TACC2: variants seen among roughly 807,000 people sequenced by gnomAD.
The protein encoded by TACC2 is transforming acidic coiled-coil-containing protein 2.
TACC2 carries 137 observed loss-of-function variants against 227.3 expected under a neutral mutation model. The ratio of observed to expected loss-of-function variants is 0.60; its 90% CI spans 0.52 to 0.69. The LOEUF (loss-of-function observed/expected upper bound fraction) is 0.69, where lower values mean the gene tolerates loss of function less well. Ranked by LOEUF, TACC2 falls within the 30% of genes least tolerant of loss-of-function variation. The pLI is 0.00. For synonymous variants in TACC2, 1,523 were observed against 1,487.5 expected (o/e 1.02, Z -0.55); for missense variants, 3,470 against 3,694.4 (o/e 0.94, Z 1.57).
At chr10:122,248,532 T>G in intron 19 of TACC2, 111 bp from the exon 20 acceptor site, 73 of 1,274,638 alleles carry the variant, frequency 5.7e-5, no homozygotes, top group Non-Finnish European at 7.2e-5. Context: ...AGCTGGGGTT[T>G]GAGATGCCCC....
At chr10:122,009,220 C>A (rs919486151) in intron 1 of TACC2, among the ~76,000 whole-genome samples, 17 of 152,162 alleles carry the variant, frequency 1.1e-4, no homozygotes, top group Non-Finnish European at 1.6e-4. Flanking sequence ...GAAAGTCTAC[C>A]TTTTGTGTAC....
At chr10:122,105,982 ATATACAT>A (rs2082745016) in intron 5 of TACC2, among the ~76,000 whole-genome samples, 1 of 130,100 alleles carries the variant, frequency 7.7e-6, no homozygotes, top group Admixed American at 9.2e-5. Flanking sequence ...ATGTATATAC[ATATACAT>A]TTTTTTTTTT....
chr10:122,087,542 C>T lies in TACC2; in HGVS notation c.5042C>T (p.Pro1681Leu). 6.2e-7 allele frequency: 1 copy of T among 1,613,876 alleles called. No homozygotes were observed. The highest frequency in any genetic ancestry group is 8.5e-7 in the Non-Finnish European group (1 of 1,180,038). ...MRNALGNQSTPAPPTGEVADT... is the reference protein window; with the variant it reads ...MRNALGNQSTLAPPTGEVADT... ...AATGCCCTGGGCAACCAGAGCACCCCTGCACCACCAACTGGAGAAGTGGCA... is the reference window on the plus strand; with the variant it reads ...AATGCCCTGGGCAACCAGAGCACCCTTGCACCACCAACTGGAGAAGTGGCA... Residue 1681 changes from proline to leucine, a missense_variant, in exon 4 of 23, where the codon CCT (proline) becomes CTT (leucine). Pro to Leu is a moderately conservative substitution (Grantham distance 98, BLOSUM62 -3). Transcript: ENST00000369005.
chr10:122,113,589 C>G (rs1425828413), intron 5 of TACC2, among the ~76,000 whole-genome samples: 2 of 152,194 alleles, frequency 1.3e-5, no homozygotes, highest in East Asian at 1.9e-4. Context: ...AGGCTCCCTG[C>G]CAGGGTTGGG....
intron 5 of TACC2, among the ~76,000 whole-genome samples, chr10:122,125,372 T>TATA (rs1555052309): frequency 1.8e-4 from 5 of 27,528 alleles, no homozygotes; most frequent in Non-Finnish European, 1.1e-3. Context: ...ATTTCTTGTA[T>TATA]TTTTTTTTAG....
chr10:122,180,377 G>A lies in TACC2; in HGVS notation c.5835-14663G>A, dbSNP rs573085145. Among the ~76,000 whole-genome samples, 5 of 143,890 alleles carry A rather than the reference G, an allele frequency of 3.5e-5. No individual in the cohort carries two copies. Among genetic ancestry groups the A allele is most frequent in the South Asian group, 2.2e-4 (1 of 4,534 alleles). The allele number at this position is 143,890 out of a possible 152,430, so 94.4% of individuals were successfully genotyped here. ...TTTGGGTTAATAGTCTGGCTTTGTC[G>A]CCCAGGCTGGAGTGCAGTGGCGCAA... On this transcript the variant is annotated intron_variant, in intron 7 of 22. Transcript: ENST00000369005. This position sits in a 1 kb window ranked among gnomAD's most constrained non-coding sequence, Gnocchi z 4.5.
chr10:121,999,583 G>A (rs1038658971), intron 1 of TACC2, among the ~76,000 whole-genome samples: 6 of 152,204 alleles, frequency 3.9e-5, no homozygotes, highest in African/African-American at 1.4e-4. Context: ...TCCCTATTTG[G>A]CATTTGTTGG....
intron 17 of TACC2, 88 bp downstream of exon 17, chr10:122,237,626 A>C (rs1347537728): frequency 6.7e-7 from 1 of 1,499,330 alleles, no homozygotes; most frequent in Non-Finnish European, 9.0e-7. Context: ...CTTTGGAGAC[A>C]GACTTTGTCC....
intron 7 of TACC2, among the ~76,000 whole-genome samples, chr10:122,178,555 A>G (rs1304885355): frequency 1.3e-5 from 2 of 149,310 alleles, no homozygotes; most frequent in African/African-American, 2.5e-5. Context: ...GTTATTTCTG[A>G]TGTTTGATCA....
At chr10:122,043,761 G>T (rs549042172) in intron 2 of TACC2, among the ~76,000 whole-genome samples, 1 of 152,268 alleles carries the variant, frequency 6.6e-6, no homozygotes, top group South Asian at 2.1e-4. Flanking sequence ...TGTACTTTTA[G>T]TAGAGATGAG....
intron 1 of TACC2, among the ~76,000 whole-genome samples, chr10:121,996,043 C>T (rs919493825): frequency 4.6e-5 from 7 of 152,104 alleles, no homozygotes; most frequent in Non-Finnish European, 1.5e-5. Context: ...TGAGCCACTG[C>T]ACCTGGCTGC....
At chr10:122,224,941 C>T (rs1205331860) in intron 12 of TACC2, among the ~76,000 whole-genome samples, 154 bp downstream of exon 12, 3 of 151,822 alleles carry the variant, frequency 2.0e-5, no homozygotes, top group Non-Finnish European at 4.4e-5. Flanking sequence ...TGGACTGGGG[C>T]TGGGGGGTTG....
chr10:122,062,629 T>A (rs1431307735), intron 3 of TACC2, among the ~76,000 whole-genome samples: 3 of 152,152 alleles, frequency 2.0e-5, no homozygotes, highest in Non-Finnish European at 2.9e-5. Flanking sequence ...CTTCTTTACA[T>A]CTGGGAGATA....
Position 122,087,868 on chromosome 10 carries a change from G to A in TACC2, c.5368G>A (p.Gly1790Arg). 1 of 1,522,120 alleles carries A rather than the reference G, an allele frequency of 6.6e-7. No homozygotes were observed. Among genetic ancestry groups the A allele is most frequent in the Non-Finnish European group, 8.8e-7 (1 of 1,136,300 alleles). 94.3% of individuals were successfully genotyped at this position (1,522,120 alleles called of 1,614,324 possible). ...GPERPIPAGD[G>R]KVCVSSPPEP... ...TGAGCGCCCCATTCCAGCTGGGGAT[G>A]GGAAGGTGTGCGTCTCCTCACCTCC... The change falls in exon 4 of 23, where the codon GGG becomes AGG. Residue 1790 changes from glycine to arginine, a missense_variant. Physicochemically the swap from Gly to Arg is moderately radical, Grantham distance 125 (BLOSUM62 -2). Coordinates refer to ENST00000369005, the MANE Select transcript of TACC2 (RefSeq NM_206862.4).
chr10:122,023,348 C>T (rs568269815), intron 2 of TACC2: 1 of 152,224 alleles, frequency 6.6e-6, no homozygotes, highest in Non-Finnish European at 1.5e-5. Context: ...TTTCTTTTCT[C>T]AAGCAAGAAA....
chr10:122,226,246 C>A, intron 12 of TACC2, 120 bp from the exon 13 acceptor site: 1 of 699,196 alleles, frequency 1.4e-6, no homozygotes, highest in East Asian at 2.8e-5. Context: ...GGCTCCAGAA[C>A]AATGAAGGCT....
At chr10:122,005,382 C>CTTTTTTTTTTTTT (rs1250192833) in intron 1 of TACC2, among the ~76,000 whole-genome samples, 2 of 119,196 alleles carry the variant, frequency 1.7e-5, no homozygotes, top group African/African-American at 3.2e-5. Flanking sequence ...CCACGCCCAG[C>CTTTTTTTTTTTTT]TTTTTTTTTT....
intron 7 of TACC2, among the ~76,000 whole-genome samples, chr10:122,148,937 A>T (rs2091727717): frequency 6.6e-6 from 1 of 152,232 alleles, no homozygotes; most frequent in Non-Finnish European, 1.5e-5. Flanking sequence ...CCATTGCTGC[A>T]GTCACCACGC....
chr10:122,042,643 G>A (rs1421666985), intron 2 of TACC2, among the ~76,000 whole-genome samples: 2 of 152,162 alleles, frequency 1.3e-5, no homozygotes, highest in Non-Finnish European at 2.9e-5. Flanking sequence ...GTAACAACCA[G>A]CATGTACAAT....
Sources: allele counts gnomAD v4.1 joint callset (sites outside exome capture counted in the v4.1 genomes callset), GRCh38; gene constraint gnomAD v4.1.1; non-coding constraint Gnocchi (gnomAD v3.1); transcripts MANE v1.5; gene names NCBI Gene and HGNC (gene_info 2026-07-23, HGNC 2026-07-21).